The following ADARB2 variants were observed in gnomAD, a reference collection of about 807,000 sequenced individuals.
ADARB2 encodes the protein inactive double-stranded RNA-specific editase B2.
A neutral mutation model predicts 62.2 loss-of-function variants in ADARB2; 25 were observed. The observed-to-expected ratio is 0.40, with a 90% confidence interval of 0.29 to 0.56. The LOEUF is 0.56. Among genes scored for constraint, ADARB2 ranks in the 20% least tolerant of loss-of-function variants. The probability of loss-of-function intolerance (pLI) is 0.43; values close to 1 mark genes in which losing one functional copy is unlikely to be tolerated. For missense variants in ADARB2, 1,071 were observed against 1,077.4 expected (o/e 0.99, Z 0.08); for synonymous variants, 572 against 500.8 (o/e 1.14, Z -1.90).
intron 4 of ADARB2, among the ~76,000 whole-genome samples, chr10:1,258,604 T>A (rs58583630): frequency 0.037 from 5,680 of 152,176 alleles, 381 homozygotes; most frequent in African/African-American, 0.13. Flanking sequence ...AACTAACTAT[T>A]CTAAATATAT....
At chr10:1,413,984 C>T (rs905816126) in intron 1 of ADARB2, among the ~76,000 whole-genome samples, 3 of 152,180 alleles carry the variant, frequency 2.0e-5, no homozygotes, top group Admixed American at 1.3e-4. Flanking sequence ...AATGTGTGCT[C>T]GCTGGGTGCC....
Position 1,679,902 on chromosome 10 carries a change from C to T in ADARB2, c.100+57149G>A, listed in dbSNP as rs148177842. Among the ~76,000 whole-genome samples the T allele has an allele frequency of 6.2e-3, 946 of 152,284 alleles. 2 individuals carry two copies. Among genetic ancestry groups the T allele is most frequent in the Non-Finnish European group, 0.01 (688 of 68,014 alleles). ...TAACATTGCTGACATTCCTTTGGCACGCTGCACTTTCTCCCCCTTAGAAAT... is the reference window on the plus strand; with the variant it reads ...TAACATTGCTGACATTCCTTTGGCATGCTGCACTTTCTCCCCCTTAGAAAT... On this transcript the variant is annotated intron_variant, in intron 1 of 9. Coordinates refer to ENST00000381312, the MANE Select transcript of ADARB2 (RefSeq NM_018702.4).
intron 8 of ADARB2, among the ~76,000 whole-genome samples, chr10:1,195,399 TG>T (rs58678573): frequency 0.14 from 15,507 of 112,234 alleles, 1,563 homozygotes; most frequent in East Asian, 0.27. Context: ...GTTTTTTTTT[TG>T]TTTTTTTTTT....
chr10:1,510,117 T>TTTCTTTCTTTC (rs1564312518), intron 1 of ADARB2, among the ~76,000 whole-genome samples: 24 of 93,820 alleles, frequency 2.6e-4, no homozygotes, highest in African/African-American at 9.0e-4. Context: ...TCTCTCTTTC[T>TTTCTTTCTTTC]TTCTTTCTTT....
intron 1 of ADARB2, among the ~76,000 whole-genome samples, chr10:1,674,346 C>T (rs1349413963): frequency 1.3e-5 from 2 of 152,166 alleles, no homozygotes; most frequent in Middle Eastern, 3.2e-3. Flanking sequence ...TGAATGGCTG[C>T]GTATGTTGGC....
chr10:1,590,765 G>A (rs1833241837), intron 1 of ADARB2, among the ~76,000 whole-genome samples: 1 of 152,210 alleles, frequency 6.6e-6, no homozygotes. Context: ...GGGGGTTGCT[G>A]GTGTGAGGTG....
chr10:1,543,510 A>T (rs1464401108), intron 1 of ADARB2, among the ~76,000 whole-genome samples: 2 of 152,230 alleles, frequency 1.3e-5, no homozygotes, highest in Admixed American at 6.5e-5. Flanking sequence ...CAATTTAGAC[A>T]TTGCAGTAAC....
At chr10:1,502,227 A>G (rs558613122) in intron 1 of ADARB2, among the ~76,000 whole-genome samples, 4 of 152,184 alleles carry the variant, frequency 2.6e-5, no homozygotes, top group Non-Finnish European at 4.4e-5. Flanking sequence ...TGCTGCCCCC[A>G]GCGGGGCTCT....
intron 1 of ADARB2, among the ~76,000 whole-genome samples, chr10:1,595,672 G>C (rs1833323394): frequency 6.6e-6 from 1 of 152,198 alleles, no homozygotes. Flanking sequence ...ACCCCAGAGA[G>C]ACCAGAGAGA....
At chr10:1,241,354 C>T (rs1830920638) in intron 5 of ADARB2, among the ~76,000 whole-genome samples, 2 of 152,296 alleles carry the variant, frequency 1.3e-5, no homozygotes, top group East Asian at 1.9e-4. Flanking sequence ...GTGGCTTTTG[C>T]ACAGCTAATG....
At chr10:1,375,930 AC>A (rs1314986761) in intron 2 of ADARB2, among the ~76,000 whole-genome samples, 4 of 147,780 alleles carry the variant, frequency 2.7e-5, no homozygotes, top group African/African-American at 5.1e-5. Flanking sequence ...ACATGCACAC[AC>A]GTGCACAGAC....
chr10:1,500,239 C>T (rs898300758), intron 1 of ADARB2, among the ~76,000 whole-genome samples: 16 of 152,168 alleles, frequency 1.1e-4, no homozygotes, highest in Admixed American at 2.0e-4. Flanking sequence ...AGGCACTTAC[C>T]GTCTCACCCC....
intron 7 of ADARB2, among the ~76,000 whole-genome samples, chr10:1,202,335 C>T (rs1305104164): frequency 1.3e-5 from 2 of 151,782 alleles, no homozygotes; most frequent in African/African-American, 4.8e-5. Context: ...TAGCTCACCG[C>T]AGCCTAATTA....
chr10:1,348,379 AG>A (rs1832101398), intron 3 of ADARB2, among the ~76,000 whole-genome samples: 1 of 152,112 alleles, frequency 6.6e-6, no homozygotes, highest in South Asian at 2.1e-4. Context: ...CTGAGCCTAC[AG>A]GTCTTGCTGC....
intron 1 of ADARB2, among the ~76,000 whole-genome samples, chr10:1,520,257 C>A (rs1446410526): frequency 2.0e-5 from 3 of 152,170 alleles, no homozygotes; most frequent in African/African-American, 7.2e-5. Flanking sequence ...TCATATGACC[C>A]TGTTTTTGTA....
intron 1 of ADARB2, among the ~76,000 whole-genome samples, chr10:1,546,336 G>C (rs1017930244): frequency 1.3e-5 from 2 of 152,158 alleles, no homozygotes; most frequent in South Asian, 2.1e-4. Context: ...CTGGTGTTTC[G>C]GCAACAGGTT....
intron 1 of ADARB2, among the ~76,000 whole-genome samples, chr10:1,526,434 G>T (rs1832143004): frequency 6.6e-6 from 1 of 152,024 alleles, no homozygotes; most frequent in Non-Finnish European, 1.5e-5. Flanking sequence ...GTGGGGCCTG[G>T]TGGGGGATGC....
At chr10:1,689,447 C>T (rs1834640630) in intron 1 of ADARB2, among the ~76,000 whole-genome samples, 1 of 152,204 alleles carries the variant, frequency 6.6e-6, no homozygotes, top group Non-Finnish European at 1.5e-5. Context: ...AGTACCCCTT[C>T]ACCCAGACCC....
chr10:1,403,658 G>A (rs549532623), intron 1 of ADARB2, among the ~76,000 whole-genome samples: 6 of 152,274 alleles, frequency 3.9e-5, no homozygotes, highest in Admixed American at 2.0e-4. Flanking sequence ...GGCCCCGGGC[G>A]TAGCTGATCT....
Sources: allele counts gnomAD v4.1 joint callset (sites outside exome capture counted in the v4.1 genomes callset), GRCh38; gene constraint gnomAD v4.1.1; transcripts MANE v1.5; gene names NCBI Gene and HGNC (gene_info 2026-07-23, HGNC 2026-07-21).